The following CUEDC1 variants were observed in gnomAD, a reference collection of about 807,000 sequenced individuals.
The protein encoded by CUEDC1 is CUE domain-containing protein 1.
Under a neutral mutation model 43.7 loss-of-function variants are expected in CUEDC1, and 30 were observed. The observed-to-expected ratio is 0.69, with a 90% CI of 0.51 to 0.93. The LOEUF is 0.93. Among genes scored for constraint, CUEDC1 ranks in the 40% least tolerant of loss-of-function variants. CUEDC1 has a pLI of 0.00. For missense variants in CUEDC1, 486 were observed against 549.0 expected, an observed-to-expected ratio of 0.89 and a Z score of 1.15; for synonymous variants, 223 against 223.6, an observed-to-expected ratio of 1.00 and a Z score of 0.02.
At chr17:57,908,456 G>A (rs1282533921) in intron 1 of CUEDC1, among the ~76,000 whole-genome samples, 4 of 152,178 alleles carry the variant, frequency 2.6e-5, no homozygotes, top group Non-Finnish European at 2.9e-5. Flanking sequence ...GGCTTCCCAG[G>A]GGCACGGTTT....
chr17:57,895,760 C>T (rs2074401938), intron 1 of CUEDC1, among the ~76,000 whole-genome samples: 1 of 152,190 alleles, frequency 6.6e-6, no homozygotes, highest in African/African-American at 2.4e-5. Context: ...CAGGAACACG[C>T]GCGTTCATGC....
At chr17:57,907,995 G>A (rs2074546090) in intron 1 of CUEDC1, among the ~76,000 whole-genome samples, 1 of 152,134 alleles carries the variant, frequency 6.6e-6, no homozygotes, top group Non-Finnish European at 1.5e-5. Context: ...AACTGCCAGG[G>A]TGAGCTGAAC....
At chr17:57,915,016 G>A (rs567927417) in intron 1 of CUEDC1, 47 of 152,302 alleles carry the variant, frequency 3.1e-4, no homozygotes, top group African/African-American at 1.1e-3. Context: ...TTACCAACAG[G>A]AAACTCAGGC....
chr17:57,870,060 T>C (rs985060424), intron 6 of CUEDC1: 1 of 152,498 alleles, frequency 6.6e-6, no homozygotes, highest in African/African-American at 2.4e-5. Flanking sequence ...CACAGGATTT[T>C]CTCCCTTCAA....
intron 1 of CUEDC1, among the ~76,000 whole-genome samples, chr17:57,945,571 A>T (rs1015682827): frequency 1.3e-5 from 2 of 152,256 alleles, no homozygotes; most frequent in Non-Finnish European, 2.9e-5. Flanking sequence ...AGAATTTAAC[A>T]TTGTAGCCCT....
In CUEDC1 at chr17:57,879,391, G is replaced by A. The variant is rs147235879; in HGVS notation, c.464+220C>T. On this transcript the variant is annotated intron_variant, in intron 3 of 10. Coordinates refer to ENST00000577830, the MANE Select transcript of CUEDC1 (RefSeq NM_001271875.2). ...TGTCCCATATGGTACCAGACATACC[G>A]CCTAGCCTAGAGTAGGAATTTAGGA... 5.3e-5 allele frequency among the ~76,000 whole-genome samples: 8 copies of A among 152,302 alleles called. No individual in the cohort carries two copies. The East Asian group carries it at 1.2e-3, about 22-fold the overall frequency.
At chr17:57,905,140 T>C (rs1396834207) in intron 1 of CUEDC1, among the ~76,000 whole-genome samples, 1 of 151,954 alleles carries the variant, frequency 6.6e-6, no homozygotes, top group Non-Finnish European at 1.5e-5. Flanking sequence ...CCTGAGCGAA[T>C]GAGGGGGCTG....
In CUEDC1 at chr17:57,872,857, T is replaced by C. The variant is rs761119775; in HGVS notation, c.592-2A>G. On this transcript the variant is annotated splice_acceptor_variant, in intron 4 of 10. Coordinates refer to ENST00000577830, the MANE Select transcript of CUEDC1 (RefSeq NM_001271875.2). LOFTEE classifies it high-confidence loss of function. ...AGGCTTGGGGCCCCCAGCGTTACCC[T>C]GAGGAGGGAAGCGAGCATGTTGAAT... 24 of 1,609,188 alleles carry C rather than the reference T, an allele frequency of 1.5e-5. No homozygotes were observed. The East Asian group carries it at 5.4e-4, about 36-fold the overall frequency.
intron 1 of CUEDC1, among the ~76,000 whole-genome samples, chr17:57,887,315 G>A (rs889590070): frequency 1.7e-4 from 26 of 152,158 alleles, no homozygotes; most frequent in African/African-American, 6.3e-4. Flanking sequence ...TCACTGCCAA[G>A]GTTGCATTTC....
At position 57,879,644 on chromosome 17, in the gene CUEDC1, G is replaced by GA; in HGVS notation, c.430_431insT (p.Pro144LeufsTer41). ...CGGAGTCGGGGGAGCCAGAGGGTAG[G>GA]GCCGGTCGAACACGTGCATGTGGTA... On this transcript the variant is annotated frameshift_variant, in exon 3 of 11. Transcript: ENST00000577830. LOFTEE classifies it high-confidence loss of function. The GA allele has an allele frequency of 6.2e-7, 1 of 1,604,952 alleles. No individual in the cohort carries two copies.
In CUEDC1 at chr17:57,954,541, C is replaced by G. The variant is rs1054231143; in HGVS notation, c.-316+684G>C. On this transcript the variant is annotated intron_variant, in intron 1 of 10. Coordinates refer to ENST00000577830, the MANE Select transcript of CUEDC1 (RefSeq NM_001271875.2). The surrounding 1 kb of genome is among the most constrained non-coding windows in gnomAD (Gnocchi z 4.3). ...ATGAATAAACGCTGACACCAGCCCC[C>G]CTTGGAGCTCAGAGCCTGGGGCACA... 6.6e-6 allele frequency among the ~76,000 whole-genome samples: 1 copy of G among 152,250 alleles called. No individual in the cohort carries two copies. Among genetic ancestry groups the G allele is most frequent in the Admixed American group, 6.5e-5 (1 of 15,292 alleles).
chr17:57,935,704 G>C (rs1243384064), intron 1 of CUEDC1, among the ~76,000 whole-genome samples: 4 of 151,968 alleles, frequency 2.6e-5, no homozygotes, highest in Non-Finnish European at 5.9e-5. Flanking sequence ...TGCAGCCAGG[G>C]GTTGCCATGG....
At chr17:57,886,818 T>G (rs888385914) in intron 1 of CUEDC1, among the ~76,000 whole-genome samples, 9 of 65,186 alleles carry the variant, frequency 1.4e-4, no homozygotes, top group Admixed American at 8.4e-4. Context: ...ATTCTGGTTG[T>G]TTTTTTTTTT....
chr17:57,902,341 G>A lies in CUEDC1; in HGVS notation c.-315-16462C>T, dbSNP rs139932677. Among the ~76,000 whole-genome samples the A allele has an allele frequency of 4.7e-3, 723 of 152,232 alleles. 4 individuals carry two copies. The highest frequency in any genetic ancestry group is 0.017 in the African/African-American group (695 of 41,522). On this transcript the variant is annotated intron_variant, in intron 1 of 10. Transcript: ENST00000577830. ...AGACCTCCATCTCAAAAAGAGAAACGATGATACATTCAGGTAGTGCTTGAA... is the reference window on the plus strand; with the variant it reads ...AGACCTCCATCTCAAAAAGAGAAACAATGATACATTCAGGTAGTGCTTGAA...
intron 2 of CUEDC1, among the ~76,000 whole-genome samples, chr17:57,881,378 A>G (rs1210207306): frequency 6.6e-6 from 1 of 152,214 alleles, no homozygotes; most frequent in Non-Finnish European, 1.5e-5. Context: ...TGCTTACCCT[A>G]AATTTCCACA....
chr17:57,925,721 G>A (rs942744548), intron 1 of CUEDC1, among the ~76,000 whole-genome samples: 9 of 152,210 alleles, frequency 5.9e-5, no homozygotes, highest in Non-Finnish European at 1.3e-4. Flanking sequence ...ATGCCTGCCT[G>A]AATGAGGGAG....
At chr17:57,887,365 C>A (rs1309871695) in intron 1 of CUEDC1, among the ~76,000 whole-genome samples, 1 of 152,208 alleles carries the variant, frequency 6.6e-6, no homozygotes, top group East Asian at 1.9e-4. Context: ...CGCCTAAACA[C>A]CAACTTCTGA....
In CUEDC1 at chr17:57,872,855, CCT is replaced by C; in HGVS notation, c.592-2_592-1del. The C allele has an allele frequency of 6.2e-7, 1 of 1,609,932 alleles. No homozygotes were observed. The highest frequency in any genetic ancestry group is 2.2e-5 in the East Asian group (1 of 44,840). On this transcript the variant is annotated splice_acceptor_variant, in intron 4 of 10. Transcript: ENST00000577830. LOFTEE classifies it high-confidence loss of function. The stretch of plus-strand genomic sequence containing the variant: ...CCAGGCTTGGGGCCCCCAGCGTTAC[CCT>C]GAGGAGGGAAGCGAGCATGTTGAAT...
chr17:57,867,974 G>A (rs1344299886), intron 8 of CUEDC1, among the ~76,000 whole-genome samples, 176 bp downstream of exon 8: 1 of 152,230 alleles, frequency 6.6e-6, no homozygotes, highest in Non-Finnish European at 1.5e-5. Flanking sequence ...TTGGCAACGA[G>A]AGACGGGCAG....
Sources: gnomAD v4.1 joint callset for allele counts (sites outside exome capture counted in the v4.1 genomes callset) on GRCh38, gnomAD v4.1.1 for gene constraint, Gnocchi (gnomAD v3.1) non-coding constraint, MANE v1.5 for transcripts, NCBI Gene and HGNC (gene_info 2026-07-23, HGNC 2026-07-21) for gene names.